STK3: variants seen among roughly 807,000 people sequenced by gnomAD.
The protein encoded by STK3 is serine/threonine kinase 3.
In STK3, 41 loss-of-function variants were observed where a neutral mutation model predicts 58.0. The observed-to-expected ratio is 0.71, with a 90% confidence interval of 0.55 to 0.92. STK3 has a LOEUF of 0.92. Ranked by LOEUF, STK3 falls within the 40% of genes least tolerant of loss-of-function variation. STK3 has a pLI of 0.00. For missense variants in STK3, 479 were observed against 602.7 expected, an observed-to-expected ratio of 0.79 and a Z score of 2.15; for synonymous variants, 170 against 191.0, an observed-to-expected ratio of 0.89 and a Z score of 0.91.
chr8:98,893,294 C>T (rs1159292282), intron 1 of STK3, among the ~76,000 whole-genome samples: 1 of 151,424 alleles, frequency 6.6e-6, no homozygotes, highest in Non-Finnish European at 1.5e-5. Context: ...GAGGCTGAGG[C>T]AGAAGAAGTG....
At chr8:98,620,379 G>A (rs1339913578) in intron 6 of STK3, among the ~76,000 whole-genome samples, 1 of 142,548 alleles carries the variant, frequency 7.0e-6, no homozygotes, top group Non-Finnish European at 1.5e-5. Flanking sequence ...TGACGAGTTA[G>A]TGGGTGCAGC....
chr8:98,381,781 T>G (rs964425291), intron 1 of STK3, among the ~76,000 whole-genome samples: 2 of 152,208 alleles, frequency 1.3e-5, no homozygotes, highest in African/African-American at 2.4e-5. Flanking sequence ...TCCAGCCCAG[T>G]GCTCCCTGCC....
chr8:98,790,854 G>A (rs1234952426), intron 1 of STK3, among the ~76,000 whole-genome samples: 1 of 151,970 alleles, frequency 6.6e-6, no homozygotes, highest in East Asian at 1.9e-4. Flanking sequence ...CATGGTGGCA[G>A]GCGCCTGTAA....
In STK3 at chr8:98,431,546, G is replaced by A. The variant is rs535710437; in HGVS notation, n.483+2581C>T. On this transcript the variant is annotated intron_variant and non_coding_transcript_variant, in intron 3 of 3. Transcript: ENST00000517832. ...GGTGGTGGTACAGACTTATGAGGAC[G>A]GATCAGTTTGCCAAGGCTGATGGTA... is the stretch of plus-strand genomic sequence containing the variant. The A allele has an allele frequency of 3.2e-4, 54 of 167,182 alleles. 3 individuals are homozygous for A. The highest frequency in any genetic ancestry group is 1.9e-4 in the East Asian group (1 of 5,192). The allele number at this position is 167,182 out of a possible 1,614,324, so 10.4% of individuals were successfully genotyped here. A position where few individuals can be genotyped will look rare whatever the true frequency, so the allele number is the denominator to read the frequency against.
At chr8:98,692,379 G>C (rs948288467) in intron 6 of STK3, among the ~76,000 whole-genome samples, 9 of 152,098 alleles carry the variant, frequency 5.9e-5, no homozygotes, top group Admixed American at 5.2e-4. Context: ...ATATTATTCA[G>C]GCTTTAAAAG....
intron 6 of STK3, among the ~76,000 whole-genome samples, chr8:98,694,364 T>C (rs1013554716): frequency 1.3e-5 from 2 of 152,190 alleles, no homozygotes; most frequent in Non-Finnish European, 2.9e-5. Context: ...TCTTTTTTTT[T>C]CATACTTTAA....
At chr8:98,608,913 T>A (rs1191332588) in intron 6 of STK3, among the ~76,000 whole-genome samples, 1 of 152,220 alleles carries the variant, frequency 6.6e-6, no homozygotes, top group African/African-American at 2.4e-5. Flanking sequence ...GAGGGTTAAA[T>A]ATCTATTTTT....
At chr8:98,715,905 G>A (rs1826970957) in intron 4 of STK3, among the ~76,000 whole-genome samples, 2 of 152,116 alleles carry the variant, frequency 1.3e-5, no homozygotes, top group South Asian at 4.1e-4. Flanking sequence ...ATGATAGACT[G>A]GATTAAGAAA....
At chr8:98,725,021 G>A (rs1248123205) in intron 4 of STK3, among the ~76,000 whole-genome samples, 1 of 152,082 alleles carries the variant, frequency 6.6e-6, no homozygotes. Context: ...TACATCCAAT[G>A]ACCACAACAC....
intron 1 of STK3, among the ~76,000 whole-genome samples, chr8:98,449,552 A>C (rs1404404558): frequency 1.3e-5 from 2 of 152,200 alleles, no homozygotes; most frequent in Admixed American, 1.3e-4. Context: ...CTTTAAGAAC[A>C]TAAATTTGAT....
At chr8:98,444,164 T>C (rs1333835448) in intron 1 of STK3, among the ~76,000 whole-genome samples, 2 of 152,130 alleles carry the variant, frequency 1.3e-5, no homozygotes, top group East Asian at 3.9e-4. Flanking sequence ...CATAATGCAA[T>C]ACAGAAAGTG....
chr8:98,935,545 C>A (rs1214405318), intron 1 of STK3, among the ~76,000 whole-genome samples: 2 of 152,152 alleles, frequency 1.3e-5, no homozygotes, highest in African/African-American at 4.8e-5. Context: ...ACAACCTATT[C>A]ATTATAGATT....
chr8:98,933,671 C>T (rs1442745601), intron 1 of STK3, among the ~76,000 whole-genome samples: 2 of 152,112 alleles, frequency 1.3e-5, no homozygotes, highest in African/African-American at 4.8e-5. Context: ...GGGAAATAAT[C>T]CCTCTCCCCA....
chr8:98,843,108 T>C (rs923979740), intron 3 of STK3, among the ~76,000 whole-genome samples: 7 of 151,304 alleles, frequency 4.6e-5, no homozygotes, highest in African/African-American at 1.5e-4. Context: ...AACATAACCA[T>C]TTTTATCTGG....
intron 6 of STK3, among the ~76,000 whole-genome samples, chr8:98,696,860 C>G (rs992650473): frequency 6.6e-6 from 1 of 152,146 alleles, no homozygotes. Flanking sequence ...ATCAGGATGA[C>G]GCTGGCCTCA....
intron 6 of STK3, among the ~76,000 whole-genome samples, chr8:98,695,949 T>C (rs914254886): frequency 6.6e-6 from 1 of 152,132 alleles, no homozygotes; most frequent in African/African-American, 2.4e-5. Context: ...ATAAATTACC[T>C]TGGGCAGTAT....
At chr8:98,727,981 A>G (rs1228600254) in intron 4 of STK3, among the ~76,000 whole-genome samples, 1 of 152,222 alleles carries the variant, frequency 6.6e-6, no homozygotes, top group Non-Finnish European at 1.5e-5. Flanking sequence ...TTAAATCTCA[A>G]AAGTAATACT....
intron 6 of STK3, among the ~76,000 whole-genome samples, chr8:98,601,094 G>A (rs1816308032): frequency 6.6e-6 from 1 of 152,018 alleles, no homozygotes; most frequent in Admixed American, 6.6e-5. Flanking sequence ...TGTAGTCCCT[G>A]AGCTGAGAGG....
chr8:98,485,899 T>A (rs1053154652), intron 10 of STK3, among the ~76,000 whole-genome samples: 1 of 152,132 alleles, frequency 6.6e-6, no homozygotes, highest in Non-Finnish European at 1.5e-5. Context: ...AATGACATGA[T>A]CAGAATAATG....
Sources: allele counts gnomAD v4.1 joint callset (sites outside exome capture counted in the v4.1 genomes callset), GRCh38; gene constraint gnomAD v4.1.1; transcripts MANE v1.5; gene names NCBI Gene and HGNC (gene_info 2026-07-23, HGNC 2026-07-21).